Variants in SND1 observed in about 807,000 individuals in gnomAD.
The protein encoded by SND1 is staphylococcal nuclease and tudor domain containing 1, also known as staphylococcal nuclease domain-containing protein 1.
In SND1, 38 loss-of-function variants were observed where a neutral mutation model predicts 121.7. That is an observed-to-expected ratio of 0.31 (90% CI 0.24 to 0.41). SND1 has a LOEUF of 0.41. SND1 is among the 10% of genes least tolerant of loss of function. SND1 has a pLI of 1.00. For synonymous variants in SND1, 401 were observed against 447.4 expected, an observed-to-expected ratio of 0.90 and a Z score of 1.31; for missense variants, 868 against 1,184.6, an observed-to-expected ratio of 0.73 and a Z score of 3.92.
rs138180193 is a variant in SND1, at chr7:128,030,757, G to A, written c.1779+39701G>A. 2.3e-4 allele frequency: 299 copies of A among 1,312,770 alleles called. 1 individual carries two copies. In the African/African-American group the frequency reaches 2.9e-3, roughly 13 times the overall value. The allele number at this position is 1,312,770 out of a possible 1,614,324, so 81.3% of individuals were successfully genotyped here. On this transcript the variant is annotated intron_variant, in intron 16 of 23. Transcript: ENST00000354725. ...TCTTTCCATCTGGAGAAGGAGGTGG[G>A]GAGGGGGCGATTAGAGAGACGGAGC...
At chr7:127,874,091 C>G (rs1245709390) in intron 12 of SND1, among the ~76,000 whole-genome samples, 4 of 152,184 alleles carry the variant, frequency 2.6e-5, no homozygotes, top group Non-Finnish European at 2.9e-5. Context: ...GGCAGGACAC[C>G]ACTGTAAATG....
At chr7:128,056,821 A>G (rs1202452066) in intron 16 of SND1, among the ~76,000 whole-genome samples, 1 of 152,210 alleles carries the variant, frequency 6.6e-6, no homozygotes, top group African/African-American at 2.4e-5. Context: ...TACATAAGGT[A>G]TAAGATTAAT....
At chr7:128,046,384 G>A (rs1233995758) in intron 16 of SND1, among the ~76,000 whole-genome samples, 1 of 25,658 alleles carries the variant, frequency 3.9e-5, no homozygotes, top group Non-Finnish European at 7.8e-5. Context: ...TTTTTTTTTT[G>A]AGACAGAGTC....
chr7:127,752,741 A>C (rs1169239521), intron 10 of SND1, among the ~76,000 whole-genome samples: 3 of 152,236 alleles, frequency 2.0e-5, no homozygotes, highest in Admixed American at 2.0e-4. Context: ...TGTTTCAATG[A>C]AACTTTATTT....
At chr7:127,894,677 C>A (rs1800082131) in intron 13 of SND1, among the ~76,000 whole-genome samples, 1 of 152,056 alleles carries the variant, frequency 6.6e-6, no homozygotes, top group African/African-American at 2.4e-5. Context: ...ACTGATATAT[C>A]CTATCACAGA....
intron 10 of SND1, among the ~76,000 whole-genome samples, chr7:127,793,343 C>T (rs973709925): frequency 3.3e-5 from 5 of 152,190 alleles, no homozygotes; most frequent in African/African-American, 1.2e-4. Flanking sequence ...CCTAACTTCT[C>T]AGGTCTCTCA....
In SND1 at chr7:128,089,632, C is replaced by A; in HGVS notation, c.2562C>A (p.Gly854=). The change falls in exon 22 of 24, where the codon GGC becomes GGA. Residue 854 remains glycine, a synonymous_variant. Coordinates refer to ENST00000354725, the MANE Select transcript of SND1 (RefSeq NM_014390.4). ...FADSKGDVGL[G]LVKEGLVMVE... ...ATTCCAAGGGCGATGTGGGGCTGGG[C>A]TTGGTGAAGGAAGGGCTGGTCATGG... 6.2e-7 allele frequency: 1 copy of A among 1,614,118 alleles called. No homozygotes were observed. The highest frequency in any genetic ancestry group is 8.5e-7 in the Non-Finnish European group (1 of 1,180,030).
At chr7:127,709,886 T>C (rs1311574898) in intron 9 of SND1, among the ~76,000 whole-genome samples, 1 of 152,168 alleles carries the variant, frequency 6.6e-6, no homozygotes, top group Non-Finnish European at 1.5e-5. Context: ...CTTTTAAAAA[T>C]TCTTTAGCAT....
chr7:127,869,824 C>A (rs562289238), intron 12 of SND1, among the ~76,000 whole-genome samples: 5 of 152,218 alleles, frequency 3.3e-5, no homozygotes, highest in Non-Finnish European at 5.9e-5. Flanking sequence ...CCTTTCCCTT[C>A]CCATCATCCC....
At chr7:127,995,306 T>A (rs1283336128) in intron 16 of SND1, among the ~76,000 whole-genome samples, 1 of 152,254 alleles carries the variant, frequency 6.6e-6, no homozygotes, top group African/African-American at 2.4e-5. Context: ...GACTATGAGC[T>A]GAGTGCCATG....
At chr7:127,666,484 A>G (rs1356207972) in intron 1 of SND1, among the ~76,000 whole-genome samples, 3 of 152,184 alleles carry the variant, frequency 2.0e-5, no homozygotes, top group African/African-American at 7.2e-5. Context: ...CTAAGCATAC[A>G]GTAAAGGTGG....
At chr7:128,060,766 C>T (rs1488708063) in intron 16 of SND1, among the ~76,000 whole-genome samples, 1 of 152,192 alleles carries the variant, frequency 6.6e-6, no homozygotes, top group Admixed American at 6.5e-5. Context: ...GAGTGGCATC[C>T]AGGTGTCCTC....
chr7:127,787,603 A>G (rs1224077464), intron 10 of SND1, among the ~76,000 whole-genome samples: 1 of 152,192 alleles, frequency 6.6e-6, no homozygotes, highest in Admixed American at 6.5e-5. Context: ...ATTTCCTGTT[A>G]GCTGCCTGCA....
At chr7:127,882,531 G>A (rs1799813391) in intron 12 of SND1, among the ~76,000 whole-genome samples, 1 of 152,036 alleles carries the variant, frequency 6.6e-6, no homozygotes, top group East Asian at 1.9e-4. Context: ...AGTTTTCCCA[G>A]CATGTAATCA....
At chr7:127,996,088 C>T (rs550904477) in intron 16 of SND1, among the ~76,000 whole-genome samples, 1 of 151,230 alleles carries the variant, frequency 6.6e-6, no homozygotes, top group South Asian at 2.1e-4. Flanking sequence ...CTGCAGGCTG[C>T]AGTGGCCAGG....
chr7:127,800,090 G>T (rs896406450), intron 10 of SND1, among the ~76,000 whole-genome samples: 1 of 152,180 alleles, frequency 6.6e-6, no homozygotes, highest in African/African-American at 2.4e-5. Context: ...GAATTGAAAG[G>T]TCCTTAATTG....
intron 16 of SND1, among the ~76,000 whole-genome samples, chr7:128,048,340 G>A (rs996621462): frequency 2.6e-5 from 4 of 151,278 alleles, no homozygotes; most frequent in African/African-American, 9.8e-5. Context: ...ACGCTTTGCA[G>A]ACTTTCTCCT....
In SND1 at chr7:127,703,197, T is replaced by G. The variant is rs570489574; in HGVS notation, c.714T>G (p.Ser238Arg). The G allele has an allele frequency of 6.2e-7, 1 of 1,614,112 alleles. No individual in the cohort carries two copies. The highest frequency in any genetic ancestry group is 8.5e-7 in the Non-Finnish European group (1 of 1,179,986). Reference sequence around the variant, plus strand: ...CTTTTCGACGGGAAGCAGATGGCAGTGAAACTCCAGAGCCTTTTGCTGCAG... The same window carrying G: ...CTTTTCGACGGGAAGCAGATGGCAGGGAAACTCCAGAGCCTTTTGCTGCAG... ...CPTFRREADGSETPEPFAAEA... is the reference protein window; with the variant it reads ...CPTFRREADGRETPEPFAAEA... The change falls in exon 7 of 24, where the codon AGT (serine) becomes AGG (arginine). Residue 238 changes from serine (S) to arginine (R), a missense_variant. Physicochemically the swap from Ser to Arg is moderately radical, Grantham distance 110 (BLOSUM62 -1). Around this residue, in one of 2 missense-constraint regions of SND1, gnomAD observed 743 missense variants for 1,071.3 expected, o/e 0.69. Coordinates refer to ENST00000354725, the MANE Select transcript of SND1 (RefSeq NM_014390.4).
At chr7:127,923,583 C>T (rs993033783) in intron 14 of SND1, among the ~76,000 whole-genome samples, 4 of 152,200 alleles carry the variant, frequency 2.6e-5, no homozygotes, top group Non-Finnish European at 5.9e-5. Context: ...ATAACTGGCT[C>T]TTCATCGAAT....
Sources: allele counts gnomAD v4.1 joint callset (sites outside exome capture counted in the v4.1 genomes callset), GRCh38; gene constraint gnomAD v4.1.1; regional missense constraint gnomAD v4.1.1; transcripts MANE v1.5; gene names NCBI Gene and HGNC (gene_info 2026-07-23, HGNC 2026-07-21).